Variants in URAD observed in about 807,000 individuals in gnomAD.
The protein encoded by URAD is putative 2-oxo-4-hydroxy-4-carboxy-5-ureidoimidazoline decarboxylase.
Under a neutral mutation model 4.6 loss-of-function variants are expected in URAD, and 4 were observed. The ratio of observed to expected loss-of-function variants is 0.87; its 90% CI spans 0.43 to 1.98. The LOEUF (loss-of-function observed/expected upper bound fraction) is 1.98, where lower values mean the gene tolerates loss of function less well. Ranked by LOEUF, URAD falls within the 30% of genes most tolerant of loss-of-function variation. The pLI is 0.03. For synonymous variants in URAD, 144 were observed against 118.2 expected (o/e 1.22, Z -1.41); for missense variants, 300 against 255.3 (o/e 1.18, Z -1.19).
Position 27,977,933 on chromosome 13 carries a change from G to C in URAD, c.*173C>G, listed in dbSNP as rs949639039. On this transcript the variant is annotated 3_prime_UTR_variant, in exon 2 of 2. Coordinates refer to ENST00000332715, the MANE Select transcript of URAD (RefSeq NM_001105577.2). ...TTGGCAACGCGTGCGCGTGTGGGTG[G>C]GCGGACAAAAGGACTCATTACTCGT... The C allele has an allele frequency of 5.5e-6, 3 of 544,618 alleles. No homozygotes were observed. Among genetic ancestry groups the C allele is most frequent in the Admixed American group, 4.3e-5 (1 of 23,064 alleles). The allele number at this position is 544,618 out of a possible 1,614,324, so 33.7% of individuals were successfully genotyped here.
chr13:27,982,548 C>T (rs1461716036), intron 1 of URAD, among the ~76,000 whole-genome samples: 1 of 152,174 alleles, frequency 6.6e-6, no homozygotes, highest in Non-Finnish European at 1.5e-5. Flanking sequence ...GTTGTTTACA[C>T]CAATGTACTT....
rs995034721 is a variant in URAD, at chr13:27,987,207, G to A, written c.175+1256C>T. Among the ~76,000 whole-genome samples, 11 of 152,084 alleles carry A rather than the reference G, an allele frequency of 7.2e-5. No individual in the cohort carries two copies. The East Asian group carries it at 1.9e-3, about 27-fold the overall frequency. On this transcript the variant is annotated intron_variant, in intron 1 of 1. Coordinates refer to ENST00000332715, the MANE Select transcript of URAD (RefSeq NM_001105577.2). ...AGGGGCTCTCCTTCCCCACCCAGAT[G>A]TCCACAGAGGCCTCTCTGCCCCTCG...
rs1012612492 is a variant in URAD at position 27,978,303 on chromosome 13, C to G, written c.325G>C (p.Ala109Pro). 5.7e-6 allele frequency: 8 copies of G among 1,404,772 alleles called. No homozygotes were observed. The highest frequency in any genetic ancestry group is 7.4e-6 in the Non-Finnish European group (8 of 1,087,580). The allele number at this position is 1,404,772 out of a possible 1,614,324, so 87.0% of individuals were successfully genotyped here. The change falls in exon 2 of 2, where the codon GCG (alanine) becomes CCG (proline). Residue 109 changes from alanine (A) to proline (P), a missense_variant. Transcript: ENST00000332715. ...DERLRLAELN[A>P]QYRARFGFPF... ...AAACCGAAGCGCGCGCGGTACTGCG[C>G]GTTGAGCTCGGCCAGCCGCAGCCGC...
intron 1 of URAD, among the ~76,000 whole-genome samples, chr13:27,987,933 G>GATAGATAT (rs1334423778): frequency 1.1e-4 from 15 of 139,944 alleles, no homozygotes; most frequent in Middle Eastern, 7.1e-3. Flanking sequence ...TAGATAGATA[G>GATAGATAT]ATTTTTAAAA....
intron 1 of URAD, 93 bp from the exon 2 acceptor site, chr13:27,978,545 C>T: frequency 1.0e-6 from 1 of 976,770 alleles, no homozygotes. Flanking sequence ...GCCCGGCCCC[C>T]CTGCCCCGCC....
intron 1 of URAD, among the ~76,000 whole-genome samples, chr13:27,979,573 T>C (rs1869816572): frequency 6.6e-6 from 1 of 152,212 alleles, no homozygotes; most frequent in Non-Finnish European, 1.5e-5. Context: ...TTATTAGTTG[T>C]AGTAAACCCA....
intron 1 of URAD, 94 bp from the exon 2 acceptor site, chr13:27,978,546 CT>C (rs1869787607): frequency 1.0e-6 from 1 of 977,298 alleles, no homozygotes; most frequent in South Asian, 4.4e-5. Context: ...CCCGGCCCCC[CT>C]GCCCCGCCCC....
At chr13:27,985,806 C>T (rs1276997969) in intron 1 of URAD, among the ~76,000 whole-genome samples, 2 of 152,180 alleles carry the variant, frequency 1.3e-5, no homozygotes, top group East Asian at 1.9e-4. Context: ...GTTTTCCCAT[C>T]GGTAAGAATG....
chr13:27,980,900 A>T (rs536381751), intron 1 of URAD, among the ~76,000 whole-genome samples: 8 of 152,010 alleles, frequency 5.3e-5, no homozygotes, highest in Middle Eastern at 3.4e-3. Flanking sequence ...CGAGTTTTCC[A>T]CTCTTGCAGC....
intron 1 of URAD, among the ~76,000 whole-genome samples, chr13:27,982,345 CG>C (rs1869902205): frequency 6.6e-6 from 1 of 152,094 alleles, no homozygotes; most frequent in Non-Finnish European, 1.5e-5. Context: ...TACTTGAACC[CG>C]GGAGGCGGAG....
chr13:27,988,548 A>C lies in URAD; in HGVS notation c.90T>G (p.Ala30=). ...NATERCPLIA[A]AVWSQRPFSD... ...AGAATGGCCGCTGGGACCAAACAGC[A>C]GCTGCAATCAGAGGACATCTCTCAG... Residue 30 remains alanine, a synonymous_variant, in exon 1 of 2, where the codon GCT becomes GCG. Coordinates refer to ENST00000332715, the MANE Select transcript of URAD (RefSeq NM_001105577.2). 4 of 1,613,978 alleles carry C rather than the reference A, an allele frequency of 2.5e-6. No individual in the cohort carries two copies. Among genetic ancestry groups the C allele is most frequent in the Non-Finnish European group, 3.4e-6 (4 of 1,179,876 alleles).
At chr13:27,985,317 G>A (rs1455963817) in intron 1 of URAD, among the ~76,000 whole-genome samples, 1 of 151,932 alleles carries the variant, frequency 6.6e-6, no homozygotes, top group African/African-American at 2.4e-5. Flanking sequence ...AATTAGCTGG[G>A]CATGGTGGCA....
intron 1 of URAD, among the ~76,000 whole-genome samples, chr13:27,980,652 G>T (rs1182638434): frequency 6.6e-6 from 1 of 152,194 alleles, no homozygotes; most frequent in East Asian, 1.9e-4. Flanking sequence ...AGCCCAAGCT[G>T]CGAGGGAGGT....
chr13:27,978,449 T>G lies in URAD; in HGVS notation c.179A>C (p.Gln60Pro), dbSNP rs1197555335. 1 of 1,333,408 alleles carries G rather than the reference T, an allele frequency of 7.5e-7. No homozygotes were observed. The highest frequency in any genetic ancestry group is 9.5e-7 in the Non-Finnish European group (1 of 1,048,572). The allele number at this position is 1,333,408 out of a possible 1,614,324, so 82.6% of individuals were successfully genotyped here. A position where few individuals can be genotyped will look rare whatever the true frequency, so the allele number is the denominator to read the frequency against. The change falls in exon 2 of 2, where the codon CAG becomes CCG. Residue 60 changes from glutamine to proline, a missense_variant. Transcript: ENST00000332715. The stretch of plus-strand genomic sequence containing the variant: ...CGGGTGGCAGCGCAGGATGCCCTCC[T>G]GGCCTGCGGAGAAGCACAGACACCG... The part of the protein sequence containing the change: ...AFIDALAQSG[Q>P]EGILRCHPDL...
intron 1 of URAD, among the ~76,000 whole-genome samples, chr13:27,987,082 T>C (rs1389335594): frequency 1.3e-5 from 2 of 152,180 alleles, no homozygotes; most frequent in Non-Finnish European, 2.9e-5. Flanking sequence ...AGGAGCTCCT[T>C]ATTTTGGAGA....
chr13:27,978,321 G>A lies in URAD; in HGVS notation c.307C>T (p.Arg103Trp). The change falls in exon 2 of 2, where the codon CGG becomes TGG. Residue 103 changes from arginine (R) to tryptophan (W), a missense_variant. Coordinates refer to ENST00000332715, the MANE Select transcript of URAD (RefSeq NM_001105577.2). ...TACTGCGCGTTGAGCTCGGCCAGCC[G>A]CAGCCGCTCGTCCGCGCCCAGGCTC... ...LRSLGADERL[R>W]LAELNAQYRA... The A allele has an allele frequency of 9.3e-6, 13 of 1,394,046 alleles. No individual in the cohort carries two copies. The highest frequency in any genetic ancestry group is 1.0e-5 in the Non-Finnish European group (11 of 1,081,914). 86.4% of individuals were successfully genotyped at this position (1,394,046 alleles called of 1,614,324 possible).
chr13:27,980,331 G>T (rs376406140), intron 1 of URAD, among the ~76,000 whole-genome samples: 3 of 152,226 alleles, frequency 2.0e-5, no homozygotes, highest in South Asian at 2.1e-4. Flanking sequence ...CGTCAGGGTA[G>T]TGCGAAAATG....
intron 1 of URAD, among the ~76,000 whole-genome samples, chr13:27,979,006 T>C (rs1869804061): frequency 6.6e-6 from 1 of 152,138 alleles, no homozygotes; most frequent in Non-Finnish European, 1.5e-5. Context: ...TCCATAGGGA[T>C]AACATCCATG....
Position 27,977,911 on chromosome 13 carries a change from G to A in URAD, c.*195C>T. ...AGCACTAAACAATATGGATATTTTG[G>A]CAACGCGTGCGCGTGTGGGTGGGCG... On this transcript the variant is annotated 3_prime_UTR_variant, in exon 2 of 2. Transcript: ENST00000332715. The A allele has an allele frequency of 2.0e-6, 1 of 509,246 alleles. No homozygotes were observed. Among genetic ancestry groups the A allele is most frequent in the Non-Finnish European group, 3.4e-6 (1 of 296,006 alleles). 31.5% of individuals were successfully genotyped at this position (509,246 alleles called of 1,614,324 possible).
Sources: allele counts gnomAD v4.1 joint callset (sites outside exome capture counted in the v4.1 genomes callset), GRCh38; gene constraint gnomAD v4.1.1; transcripts MANE v1.5; gene names NCBI Gene and HGNC (gene_info 2026-07-23, HGNC 2026-07-21).